Variants in APC observed in about 807,000 individuals in gnomAD.
The protein encoded by APC is APC regulator of Wnt signaling pathway.
APC carries 72 observed loss-of-function variants against 247.0 expected under a neutral mutation model. The observed-to-expected ratio is 0.29, with a 90% confidence interval of 0.24 to 0.35. The LOEUF (loss-of-function observed/expected upper bound fraction) is 0.35. Among genes scored for constraint, APC ranks in the 10% least tolerant of loss-of-function variants. APC has a pLI of 1.00. For synonymous variants in APC, 1,254 were observed against 1,162.5 expected, an observed-to-expected ratio of 1.08 and a Z score of -1.60; for missense variants, 3,400 against 3,360.7, an observed-to-expected ratio of 1.01 and a Z score of -0.29.
At position 112,838,495 on chromosome 5, in the gene APC, C is replaced by A. The variant is rs1060504876; in HGVS notation, c.2901C>A (p.Val967=). 2.5e-6 allele frequency: 4 copies of A among 1,614,126 alleles called. No homozygotes were observed. Among genetic ancestry groups the A allele is most frequent in the Non-Finnish European group, 3.4e-6 (4 of 1,180,030 alleles). ...KRSSNDSLNS[V]SSSDGYGKRG... ...CTTCAAATGATAGTTTAAATAGTGT[C>A]AGTAGTAGTGATGGTTATGGTAAAA... Residue 967 remains valine (V), a synonymous_variant, in exon 16 of 16, where the codon GTC becomes GTA. Transcript: ENST00000257430.
intron 6 of APC, among the ~76,000 whole-genome samples, chr5:112,784,636 C>T (rs1053346112): frequency 2.0e-5 from 3 of 152,158 alleles, no homozygotes; most frequent in African/African-American, 7.2e-5. Context: ...TCCCTCCTAA[C>T]TCCCTGCTTG....
intron 8 of APC, among the ~76,000 whole-genome samples, chr5:112,802,897 A>G (rs963688669): frequency 6.6e-6 from 1 of 152,106 alleles, no homozygotes; most frequent in Non-Finnish European, 1.5e-5. Context: ...CAGCTATTTA[A>G]AGAGTATCTT....
intron 1 of APC, among the ~76,000 whole-genome samples, chr5:112,727,422 A>G (rs1418327535): frequency 6.6e-6 from 1 of 152,170 alleles, no homozygotes; most frequent in Non-Finnish European, 1.5e-5. Flanking sequence ...GAATTTGGTA[A>G]TATTGGTATA....
intron 8 of APC, among the ~76,000 whole-genome samples, chr5:112,812,580 C>A (rs1762096023): frequency 6.6e-6 from 1 of 152,194 alleles, no homozygotes; most frequent in Admixed American, 6.5e-5. Flanking sequence ...CCCCCTCATT[C>A]TTTTTATTAA....
At chr5:112,779,262 T>C (rs1758060438) in intron 5 of APC, among the ~76,000 whole-genome samples, 1 of 152,226 alleles carries the variant, frequency 6.6e-6, no homozygotes, top group Non-Finnish European at 1.5e-5. Context: ...AGTGTAGTTT[T>C]GCTTACCGTT....
At chr5:112,821,283 G>A (rs1314083438) in intron 10 of APC, among the ~76,000 whole-genome samples, 2 of 152,016 alleles carry the variant, frequency 1.3e-5, no homozygotes, top group South Asian at 2.1e-4. Flanking sequence ...GGGCAGGAGC[G>A]GCACTTGAGG....
rs529739992 is a variant in APC, at chr5:112,707,981, T to C, written c.165+99T>C. 1.4e-4 allele frequency: 165 copies of C among 1,195,486 alleles called. 2 individuals are homozygous for C. In the African/African-American group the frequency reaches 2.3e-3, roughly 17 times the overall value. 74.1% of individuals were successfully genotyped at this position (1,195,486 alleles called of 1,614,324 possible). A position where few individuals can be genotyped will look rare whatever the true frequency, so the allele number is the denominator to read the frequency against. On this transcript the variant is annotated intron_variant, in intron 1 of 13. Transcript: ENST00000507379. ...CCCTACGGTGCTCGGCCCGACTCTG[T>C]GGCTCTCTTCTCTCCATGTCTCACC...
At chr5:112,814,192 C>A (rs541613969) in intron 8 of APC, among the ~76,000 whole-genome samples, 2 of 152,190 alleles carry the variant, frequency 1.3e-5, no homozygotes, top group African/African-American at 4.8e-5. Context: ...ATTGCTGACA[C>A]TATTCTTACA....
chr5:112,815,409 C>T, intron 8 of APC, 86 bp from the exon 9 acceptor site: 1 of 918,556 alleles, frequency 1.1e-6, no homozygotes. Context: ...ATCATACAGA[C>T]ACTTCATTTG....
intron 8 of APC, among the ~76,000 whole-genome samples, chr5:112,802,105 C>G (rs886266427): frequency 1.3e-4 from 20 of 151,976 alleles, no homozygotes; most frequent in Non-Finnish European, 5.9e-5. Flanking sequence ...TTTTTAAAAA[C>G]AGAATTTCAC....
chr5:112,842,459 A>G lies in APC; in HGVS notation c.6865A>G (p.Thr2289Ala), dbSNP rs1554087807. 3.7e-6 allele frequency: 6 copies of G among 1,613,908 alleles called. No individual in the cohort carries two copies. Among genetic ancestry groups the G allele is most frequent in the South Asian group, 2.2e-5 (2 of 91,088 alleles). ...KSELSPVARQTSQIGGSSKAP... is the reference protein window; with the variant it reads ...KSELSPVARQASQIGGSSKAP... Reference sequence around the variant, plus strand: ...AGAATTAAGCCCTGTTGCCAGGCAGACATCCCAAATAGGTGGGTCAAGTAA... The same window carrying G: ...AGAATTAAGCCCTGTTGCCAGGCAGGCATCCCAAATAGGTGGGTCAAGTAA... The change falls in exon 16 of 16, where the codon ACA becomes GCA. Residue 2289 changes from threonine to alanine, a missense_variant. Thr to Ala is a moderately conservative substitution (Grantham distance 58, BLOSUM62 0). Around this residue, in one of 9 missense-constraint regions of APC, gnomAD observed 1,788 missense variants for 1,649.5 expected, o/e 1.08. Coordinates refer to ENST00000257430, the MANE Select transcript of APC (RefSeq NM_000038.6).
chr5:112,808,328 G>C (rs1015450212), intron 8 of APC, among the ~76,000 whole-genome samples: 1 of 152,162 alleles, frequency 6.6e-6, no homozygotes, highest in African/African-American at 2.4e-5. Context: ...TAAGGTCCAT[G>C]AATAGGAATT....
intron 5 of APC, among the ~76,000 whole-genome samples, chr5:112,777,402 C>G (rs1757778738): frequency 6.6e-6 from 1 of 152,096 alleles, no homozygotes; most frequent in African/African-American, 2.4e-5. Flanking sequence ...TTCTCTCATG[C>G]AGTGGATATA....
At chr5:112,809,756 C>T (rs1468359991) in intron 8 of APC, among the ~76,000 whole-genome samples, 1 of 152,188 alleles carries the variant, frequency 6.6e-6, no homozygotes, top group Non-Finnish European at 1.5e-5. Flanking sequence ...TAATCCAGCA[C>T]TTTGGGAGGC....
rs1561604731 is a variant in APC, at chr5:112,841,640, G to A, written c.6046G>A (p.Asp2016Asn). 6.2e-7 allele frequency: 1 copy of A among 1,613,496 alleles called. No individual in the cohort carries two copies. The highest frequency in any genetic ancestry group is 1.1e-5 in the South Asian group (1 of 91,080). The change falls in exon 16 of 16, where the codon GAT becomes AAT. Residue 2016 changes from aspartate to asparagine, a missense_variant. This residue lies in a region of APC where 1,788 missense variants were observed against 1,649.5 expected (regional missense o/e 1.08). Transcript: ENST00000257430. The surrounding 1 kb of genome is among the most constrained non-coding windows in gnomAD (Gnocchi z 4.6). ...GYAPKSFHVE[D>N]TPVCFSRNSS... ...TGCTCCTAAATCATTTCATGTTGAAGATACCCCAGTTTGTTTCTCAAGAAA... is the reference window on the plus strand; with the variant it reads ...TGCTCCTAAATCATTTCATGTTGAAAATACCCCAGTTTGTTTCTCAAGAAA...
intron 4 of APC, 144 bp downstream of exon 4, chr5:112,767,534 T>A (rs1291185941): frequency 7.6e-6 from 5 of 654,132 alleles, no homozygotes; most frequent in Admixed American, 2.8e-5. Flanking sequence ...AGATAGCATG[T>A]TATTGATTGC....
chr5:112,841,461 T>C lies in APC; in HGVS notation c.5867T>C (p.Ile1956Thr), dbSNP rs769094377. The change falls in exon 16 of 16, where the codon ATT (isoleucine) becomes ACT (threonine). Residue 1956 changes from isoleucine to threonine, a missense_variant. Transcript: ENST00000257430. The surrounding 1 kb of genome is among the most constrained non-coding windows in gnomAD (Gnocchi z 4.6). ...ATDEKLQNFA[I>T]ENTPVCFSHN... is the part of the protein sequence containing the mutation. ...GATGAAAAGTTACAGAATTTTGCTA[T>C]TGAAAATACTCCGGTTTGCTTTTCT... 1.9e-6 allele frequency: 3 copies of C among 1,613,858 alleles called. No homozygotes were observed. The highest frequency in any genetic ancestry group is 1.1e-5 in the South Asian group (1 of 91,076).
intron 1 of APC, among the ~76,000 whole-genome samples, chr5:112,715,124 A>G (rs906530403): frequency 1.3e-5 from 2 of 152,246 alleles, no homozygotes; most frequent in African/African-American, 2.4e-5. Flanking sequence ...ATAATAGAGT[A>G]TGAATTCGTT....
At chr5:112,721,797 T>G (rs915288453) in intron 1 of APC, among the ~76,000 whole-genome samples, 2 of 152,220 alleles carry the variant, frequency 1.3e-5, no homozygotes, top group Non-Finnish European at 2.9e-5. Context: ...GTCTTTTGGC[T>G]TCCTTGGGCC....
Sources: gnomAD v4.1 joint callset for allele counts (sites outside exome capture counted in the v4.1 genomes callset) on GRCh38, gnomAD v4.1.1 for gene constraint, gnomAD v4.1.1 regional missense constraint, Gnocchi (gnomAD v3.1) non-coding constraint, MANE v1.5 for transcripts, NCBI Gene and HGNC (gene_info 2026-07-23, HGNC 2026-07-21) for gene names.